The following APOOL variants were observed in gnomAD, a reference collection of about 807,000 sequenced individuals.
The protein encoded by APOOL is MICOS complex subunit MIC27.
APOOL carries 12 observed loss-of-function variants against 23.1 expected under a neutral mutation model. That is an observed-to-expected ratio of 0.52 (90% CI 0.33 to 0.84). APOOL has a LOEUF of 0.84. Among genes scored for constraint, APOOL ranks in the 40% least tolerant of loss-of-function variants. The pLI is 0.02. For synonymous variants in APOOL, 77 were observed against 69.9 expected (o/e 1.10, Z -0.51); for missense variants, 212 against 199.6 (o/e 1.06, Z -0.37).
At position 85,082,707 on chromosome X, in the gene APOOL, A is replaced by G. The variant is rs764206541; in HGVS notation, c.719-4883A>G. 7.6e-4 allele frequency among the ~76,000 whole-genome samples: 85 copies of G among 112,153 alleles called. 1 individual carries two copies. The highest frequency in any genetic ancestry group is 2.6e-3 in the African/African-American group (79 of 30,881). ...TGTCTACGGCTGCTTTTAAACTACA[A>G]TGGCAGAGTCGAGCACTTGTGACAG... On this transcript the variant is annotated intron_variant, in intron 8 of 8. Coordinates refer to ENST00000373173, the MANE Select transcript of APOOL (RefSeq NM_198450.6).
chrX:85,071,561 A>G (rs1923663735), intron 6 of APOOL, among the ~76,000 whole-genome samples: 1 of 111,303 alleles, frequency 9.0e-6, no homozygotes, highest in Non-Finnish European at 1.9e-5. Context: ...ATAAACTAGA[A>G]TACTATAAAA....
At chrX:85,040,785 G>C (rs1922376151) in intron 1 of APOOL, among the ~76,000 whole-genome samples, 1 of 111,447 alleles carries the variant, frequency 9.0e-6, no homozygotes, top group Non-Finnish European at 1.9e-5. Flanking sequence ...CTCTTGTATT[G>C]TTTTATTTAA....
chrX:85,073,959 T>C, intron 6 of APOOL, 39 bp from the exon 7 acceptor site: 2 of 977,529 alleles, frequency 2.0e-6, no homozygotes, highest in South Asian at 2.5e-5. Flanking sequence ...TTTTAACTTT[T>C]AAAAATATGT....
Position 85,003,903 on chromosome X carries a change from G to A in APOOL, c.-10G>A, listed in dbSNP as rs188328953. The A allele has an allele frequency of 1.2e-4, 144 of 1,209,952 alleles. 1 individual carries two copies. In the African/African-American group the frequency reaches 2.0e-3, roughly 17 times the overall value. ...TCCGTCTGAAAACCTTGGCCGAAAG[G>A]GTTGTAGACATGGCGGCCATCAGGG... On this transcript the variant is annotated 5_prime_UTR_variant, in exon 1 of 9. Coordinates refer to ENST00000373173, the MANE Select transcript of APOOL (RefSeq NM_198450.6).
chrX:85,056,807 T>C (rs897447398), intron 5 of APOOL, among the ~76,000 whole-genome samples: 1 of 111,845 alleles, frequency 8.9e-6, no homozygotes, highest in Non-Finnish European at 1.9e-5. Flanking sequence ...TTTTAATATA[T>C]ACATAGAGTC....
Position 85,055,910 on chromosome X carries a change from G to T in APOOL, c.379G>T (p.Val127Phe). 1 of 1,189,737 alleles carries T rather than the reference G, an allele frequency of 8.4e-7. No homozygotes were observed. Among genetic ancestry groups the T allele is most frequent in the Non-Finnish European group, 1.1e-6 (1 of 884,652 alleles). The change falls in exon 5 of 9, where the codon GTT becomes TTT. Residue 127 changes from valine (V) to phenylalanine (F), a missense_variant. Coordinates refer to ENST00000373173, the MANE Select transcript of APOOL (RefSeq NM_198450.6). ...VITVSGLAGLVSARKGSKFKK... is the reference protein window; with the variant it reads ...VITVSGLAGLFSARKGSKFKK... The stretch of plus-strand genomic sequence containing the variant: ...TACAGTTTCAGGATTGGCGGGCTTG[G>T]TTTCAGCGAGAAAAGGTAGGGTTTT...
At position 85,055,898 on chromosome X, in the gene APOOL, T is replaced by C; in HGVS notation, c.367T>C (p.Leu123=). The C allele has an allele frequency of 8.3e-7, 1 of 1,200,104 alleles. No homozygotes were observed. The highest frequency in any genetic ancestry group is 1.1e-6 in the Non-Finnish European group (1 of 890,183). The change falls in exon 5 of 9, where the codon TTG becomes CTG. Residue 123 remains leucine (L), a synonymous_variant. Transcript: ENST00000373173. Reference sequence around the variant, plus strand: ...AATGGGAGTTATTACAGTTTCAGGATTGGCGGGCTTGGTTTCAGCGAGAAA... The same window carrying C: ...AATGGGAGTTATTACAGTTTCAGGACTGGCGGGCTTGGTTTCAGCGAGAAA... ...PKMGVITVSG[L]AGLVSARKGS...
intron 1 of APOOL, among the ~76,000 whole-genome samples, chrX:85,045,311 A>T (rs992767675): frequency 8.9e-6 from 1 of 111,942 alleles, no homozygotes; most frequent in African/African-American, 3.2e-5. Flanking sequence ...GTATTTTTAC[A>T]GCCCCAATCT....
At chrX:85,041,685 C>A (rs1003638066) in intron 1 of APOOL, among the ~76,000 whole-genome samples, 6 of 111,555 alleles carry the variant, frequency 5.4e-5, no homozygotes, top group Admixed American at 2.9e-4. Flanking sequence ...ACCCAGAAAA[C>A]TCCAGGCAAC....
Position 85,074,380 on chromosome X carries a change from A to T in APOOL, c.707A>T (p.Glu236Val). 1.7e-6 allele frequency: 2 copies of T among 1,210,574 alleles called. No homozygotes were observed. The highest frequency in any genetic ancestry group is 2.2e-6 in the Non-Finnish European group (2 of 894,831). ...AGCTCTGAAGCAAAGACCAAATCAG[A>T]ATCCACTTCAGGTTTGTTGGGTATA... ...ELSSEAKTKS[E>V]STSGATQFMP... The change falls in exon 8 of 9, where the codon GAA (glutamate) becomes GTA (valine). Residue 236 changes from glutamate to valine, a missense_variant. Coordinates refer to ENST00000373173, the MANE Select transcript of APOOL (RefSeq NM_198450.6).
At chrX:85,015,110 A>G (rs1260996514) in intron 1 of APOOL, among the ~76,000 whole-genome samples, 2 of 111,041 alleles carry the variant, frequency 1.8e-5, no homozygotes, top group Non-Finnish European at 3.8e-5. Context: ...GTTCTAGTCT[A>G]TTTTTGAAAA....
intron 5 of APOOL, among the ~76,000 whole-genome samples, chrX:85,063,096 C>A (rs1011321223): frequency 9.0e-6 from 1 of 111,243 alleles, no homozygotes; most frequent in Non-Finnish European, 1.9e-5. Context: ...TAGCTGTATT[C>A]CTAGGTATTT....
At chrX:85,058,954 G>A (rs1569458117) in intron 5 of APOOL, among the ~76,000 whole-genome samples, 1 of 108,713 alleles carries the variant, frequency 9.2e-6, no homozygotes, top group South Asian at 4.1e-4. Flanking sequence ...GTATACATGT[G>A]CCATGTTGGT....
rs759567273 is a variant in APOOL, at chrX:85,092,468, C to CT, written c.*4791dup. ...TGCCAGCCCTCCTCAGAGGAAAGGT[C>CT]TAAAGCCCCTCGACTAGTATAGTAG... On this transcript the variant is annotated 3_prime_UTR_variant, in exon 9 of 9. Coordinates refer to ENST00000373173, the MANE Select transcript of APOOL (RefSeq NM_198450.6). 36 of 1,204,727 alleles carry CT rather than the reference C, an allele frequency of 3.0e-5. No individual in the cohort carries two copies. The highest frequency in any genetic ancestry group is 1.3e-4 in the South Asian group (7 of 55,567).
In APOOL at chrX:85,075,159, T is replaced by C. The variant is rs752783395; in HGVS notation, c.718+768T>C. On this transcript the variant is annotated intron_variant, in intron 8 of 8. Coordinates refer to ENST00000373173, the MANE Select transcript of APOOL (RefSeq NM_198450.6). ...CAAAGGAAGGTGGCTAATTCAGCGG[T>C]TGGGGAATAATAATAATATGCACCC... Among the ~76,000 whole-genome samples, 88 of 111,165 alleles carry C rather than the reference T, an allele frequency of 7.9e-4. 1 individual carries two copies. The highest frequency in any genetic ancestry group is 2.7e-3 in the African/African-American group (84 of 30,703).
At chrX:85,020,901 T>C (rs193184024) in intron 1 of APOOL, among the ~76,000 whole-genome samples, 2 of 111,505 alleles carry the variant, frequency 1.8e-5, no homozygotes, top group African/African-American at 6.5e-5. Flanking sequence ...CATCAGTAGC[T>C]CCAGGCTCTA....
intron 5 of APOOL, among the ~76,000 whole-genome samples, chrX:85,057,230 T>C (rs972713140): frequency 9.1e-6 from 1 of 110,256 alleles, no homozygotes; most frequent in Non-Finnish European, 1.9e-5. Flanking sequence ...AGTTCTGTAG[T>C]CACTAGCCAT....
rs147960817 is a variant in APOOL at position 85,026,910 on chromosome X, C to T, written c.16-19536C>T. 6.6e-3 allele frequency among the ~76,000 whole-genome samples: 739 copies of T among 111,960 alleles called. 10 individuals are homozygous for T. Among genetic ancestry groups the T allele is most frequent in the African/African-American group, 0.023 (704 of 30,833 alleles). On this transcript the variant is annotated intron_variant, in intron 1 of 8. Transcript: ENST00000373173. ...TTCTGAGCCCTCCACACTTTTCCAA[C>T]CTCTGTCCATTACCCAGTTGCAGAG...
intron 1 of APOOL, among the ~76,000 whole-genome samples, chrX:85,044,288 A>T (rs867833829): frequency 9.2e-6 from 1 of 108,112 alleles, no homozygotes; most frequent in Non-Finnish European, 1.9e-5. Context: ...ATATATATGT[A>T]TTTTTTTGTT....
Sources: gnomAD v4.1 joint callset for allele counts (sites outside exome capture counted in the v4.1 genomes callset) on GRCh38, gnomAD v4.1.1 for gene constraint, MANE v1.5 for transcripts, NCBI Gene and HGNC (gene_info 2026-07-23, HGNC 2026-07-21) for gene names.